The following SGCD variants were observed in gnomAD, a reference collection of about 807,000 sequenced individuals.
SGCD encodes delta-sarcoglycan.
Under a neutral mutation model 36.6 loss-of-function variants are expected in SGCD, and 18 were observed. That is an observed-to-expected ratio of 0.49 (90% CI 0.34 to 0.73). The LOEUF is 0.73. SGCD is among the 30% of genes least tolerant of loss of function. SGCD has a pLI of 0.01. For missense variants in SGCD, 387 were observed against 346.7 expected (o/e 1.12, Z -0.92); for synonymous variants, 133 against 130.6 (o/e 1.02, Z -0.12).
chr5:156,653,493 C>CTTTTTTTTTTTTTTTTTTTTTTTTTTTTT lies in SGCD; in HGVS notation c.575+5972_575+5973insTTTTTTTTTTTTTTTTTTTTTTTTTTTTT, dbSNP rs111458843. ...TTTTCTTACGTAATTCTAAAGCTTG[C>CTTTTTTTTTTTTTTTTTTTTTTTTTTTTT]TTTTTTTTTTTTTTTGCCCCTGTTG... is the stretch of plus-strand genomic sequence containing the variant. On this transcript the variant is annotated intron_variant, in intron 7 of 8. Transcript: ENST00000337851. Among the ~76,000 whole-genome samples, 16 of 48,104 alleles carry CTTTTTTTTTTTTTTTTTTTTTTTTTTTTT rather than the reference C, an allele frequency of 3.3e-4. 7 individuals are homozygous for CTTTTTTTTTTTTTTTTTTTTTTTTTTTTT. Among genetic ancestry groups the CTTTTTTTTTTTTTTTTTTTTTTTTTTTTT allele is most frequent in the East Asian group, 1.9e-3 (2 of 1,060 alleles). 31.6% of individuals were successfully genotyped at this position (48,104 alleles called of 152,430 possible).
At chr5:156,037,822 G>C (rs1402783717) in intron 1 of SGCD, among the ~76,000 whole-genome samples, 4 of 152,154 alleles carry the variant, frequency 2.6e-5, no homozygotes, top group African/African-American at 9.7e-5. Flanking sequence ...AAGACCAAAA[G>C]TAATCATGCT....
At chr5:156,565,160 C>A (rs1231427719) in intron 4 of SGCD, among the ~76,000 whole-genome samples, 3 of 152,148 alleles carry the variant, frequency 2.0e-5, no homozygotes, top group African/African-American at 7.2e-5. Flanking sequence ...TGTACATTAT[C>A]ATCTCATGTA....
chr5:156,487,788 C>CAAA (rs56006984), intron 3 of SGCD, among the ~76,000 whole-genome samples: 3 of 41,390 alleles, frequency 7.2e-5, no homozygotes, highest in Admixed American at 4.2e-4. Context: ...ACTCTGTCAC[C>CAAA]AAAAAAAAAA....
At chr5:156,230,742 C>G (rs1197765606) in intron 3 of SGCD, among the ~76,000 whole-genome samples, 1 of 152,160 alleles carries the variant, frequency 6.6e-6, no homozygotes, top group East Asian at 1.9e-4. Flanking sequence ...AGTTCTGCTT[C>G]CCGTCCATCA....
intron 7 of SGCD, among the ~76,000 whole-genome samples, chr5:156,651,486 A>G (rs1388236427): frequency 6.6e-6 from 1 of 152,162 alleles, no homozygotes; most frequent in Non-Finnish European, 1.5e-5. Flanking sequence ...ATATAGGGAA[A>G]GGTAGGAGTC....
chr5:156,635,932 G>A (rs1762812863), intron 6 of SGCD, among the ~76,000 whole-genome samples: 1 of 151,990 alleles, frequency 6.6e-6, no homozygotes. Context: ...TATACCTAAT[G>A]TTAAATGACG....
chr5:156,166,990 A>T (rs753608339), intron 3 of SGCD, among the ~76,000 whole-genome samples: 10 of 151,716 alleles, frequency 6.6e-5, no homozygotes, highest in Non-Finnish European at 1.5e-4. Context: ...ACCTTTTTTC[A>T]CTTTCTTCCT....
intron 3 of SGCD, among the ~76,000 whole-genome samples, chr5:156,223,295 A>G (rs576748704): frequency 6.6e-6 from 1 of 152,210 alleles, no homozygotes; most frequent in African/African-American, 2.4e-5. Context: ...ATAGAATTCT[A>G]TTAGATGATA....
intron 6 of SGCD, among the ~76,000 whole-genome samples, chr5:156,609,687 A>C (rs1761682480): frequency 6.6e-6 from 1 of 152,230 alleles, no homozygotes; most frequent in African/African-American, 2.4e-5. Flanking sequence ...TACACCAATC[A>C]GACATAGATT....
intron 7 of SGCD, among the ~76,000 whole-genome samples, chr5:156,748,561 A>G (rs1231768167): frequency 1.3e-5 from 2 of 152,252 alleles, no homozygotes; most frequent in African/African-American, 4.8e-5. Context: ...GAATCACTAT[A>G]TATTAAGATA....
chr5:156,738,144 T>A (rs1246038424), intron 7 of SGCD, among the ~76,000 whole-genome samples: 1 of 152,228 alleles, frequency 6.6e-6, no homozygotes, highest in Non-Finnish European at 1.5e-5. Flanking sequence ...TTGGGAAGAC[T>A]TGAAAAATCA....
intron 4 of SGCD, among the ~76,000 whole-genome samples, chr5:156,578,605 C>G (rs541426232): frequency 6.6e-6 from 1 of 152,266 alleles, no homozygotes; most frequent in South Asian, 2.1e-4. Context: ...TGTTATTGGT[C>G]TATTCAGAGA....
chr5:156,164,882 A>C (rs1445244444), intron 3 of SGCD, among the ~76,000 whole-genome samples: 1 of 152,226 alleles, frequency 6.6e-6, no homozygotes, highest in Non-Finnish European at 1.5e-5. Context: ...GTCTTCATAA[A>C]TTTATAAATA....
At chr5:156,583,007 A>G (rs971609373) in intron 4 of SGCD, among the ~76,000 whole-genome samples, 1 of 152,228 alleles carries the variant, frequency 6.6e-6, no homozygotes, top group African/African-American at 2.4e-5. Context: ...GATGATGTCT[A>G]GAGAGCAGAA....
At chr5:156,668,516 T>G (rs997056928) in intron 7 of SGCD, among the ~76,000 whole-genome samples, 1 of 152,214 alleles carries the variant, frequency 6.6e-6, no homozygotes, top group Non-Finnish European at 1.5e-5. Context: ...CATTTCCATC[T>G]TCTCCCTTGA....
intron 3 of SGCD, among the ~76,000 whole-genome samples, chr5:156,172,090 C>T (rs935757190): frequency 3.3e-5 from 5 of 152,082 alleles, no homozygotes; most frequent in African/African-American, 9.7e-5. Context: ...TGAGACCAAC[C>T]TGGCCAACGT....
intron 3 of SGCD, among the ~76,000 whole-genome samples, chr5:156,491,768 T>C (rs1008369778): frequency 7.9e-5 from 12 of 152,158 alleles, no homozygotes; most frequent in African/African-American, 2.9e-4. Context: ...CATGTTTTCA[T>C]TTCATTAAGC....
At chr5:156,384,978 C>G (rs937741198) in intron 3 of SGCD, among the ~76,000 whole-genome samples, 2 of 152,152 alleles carry the variant, frequency 1.3e-5, no homozygotes, top group African/African-American at 4.8e-5. Flanking sequence ...TGCGAAAGCA[C>G]ACCAATGCTG....
chr5:156,151,545 A>G (rs1388029818), intron 3 of SGCD, among the ~76,000 whole-genome samples: 1 of 151,620 alleles, frequency 6.6e-6, no homozygotes, highest in Non-Finnish European at 1.5e-5. Context: ...TCCAAATGCC[A>G]TAATGCATTG....
Sources: gnomAD v4.1 joint callset for allele counts (sites outside exome capture counted in the v4.1 genomes callset) on GRCh38, gnomAD v4.1.1 for gene constraint, MANE v1.5 for transcripts, NCBI Gene and HGNC (gene_info 2026-07-23, HGNC 2026-07-21) for gene names.